CUBN: variants seen among roughly 807,000 people sequenced by gnomAD.
CUBN encodes 460 kDa receptor.
In CUBN, 282 loss-of-function variants were observed where a neutral mutation model predicts 405.3. The observed-to-expected ratio is 0.70, with a 90% CI of 0.63 to 0.77. The LOEUF (loss-of-function observed/expected upper bound fraction) is 0.77. Ranked by LOEUF, CUBN falls within the 30% of genes least tolerant of loss-of-function variation. The probability of loss-of-function intolerance (pLI) is 0.00; values close to 1 mark genes in which losing one functional copy is unlikely to be tolerated. For synonymous variants in CUBN, 1,684 were observed against 1,617.0 expected, an observed-to-expected ratio of 1.04 and a Z score of -0.99; for missense variants, 4,514 against 4,475.2, an observed-to-expected ratio of 1.01 and a Z score of -0.25.
At chr10:17,069,170 C>T (rs1835681403) in intron 19 of CUBN, among the ~76,000 whole-genome samples, 1 of 152,074 alleles carries the variant, frequency 6.6e-6, no homozygotes, top group African/African-American at 2.4e-5. Context: ...TAAAGATATA[C>T]CACATTTTAT....
intron 66 of CUBN, among the ~76,000 whole-genome samples, chr10:16,827,943 T>G (rs1201894943): frequency 6.6e-6 from 1 of 152,232 alleles, no homozygotes; most frequent in Non-Finnish European, 1.5e-5. Flanking sequence ...TAAGCACAGA[T>G]GCCTGCAATA....
intron 8 of CUBN, among the ~76,000 whole-genome samples, chr10:17,112,881 G>A (rs1001932264): frequency 2.6e-5 from 4 of 152,122 alleles, no homozygotes; most frequent in African/African-American, 9.7e-5. Context: ...TGTAAAATGT[G>A]AGTAATACTT....
chr10:17,111,114 G>A, intron 8 of CUBN, 64 bp from the exon 9 acceptor site: 1 of 1,565,766 alleles, frequency 6.4e-7, no homozygotes, highest in Non-Finnish European at 8.8e-7. Flanking sequence ...AGAAATACAA[G>A]AGTCAAAACA....
intron 64 of CUBN, among the ~76,000 whole-genome samples, chr10:16,833,247 A>G (rs1015023012): frequency 2.0e-5 from 3 of 152,050 alleles, no homozygotes; most frequent in Non-Finnish European, 4.4e-5. Context: ...CTTCATATAA[A>G]TATTTGGATC....
intron 66 of CUBN, 84 bp from the exon 67 acceptor site, chr10:16,825,166 C>G: frequency 1.1e-6 from 1 of 903,096 alleles, no homozygotes; most frequent in Non-Finnish European, 1.8e-6. Context: ...TAACAAAGTA[C>G]CACATAAAGA....
chr10:16,939,423 G>C (rs938514587), intron 37 of CUBN, among the ~76,000 whole-genome samples: 2 of 152,170 alleles, frequency 1.3e-5, no homozygotes, highest in Non-Finnish European at 2.9e-5. Context: ...ACATGGGAAG[G>C]TGGGGTGAGC....
intron 56 of CUBN, among the ~76,000 whole-genome samples, chr10:16,885,906 G>A (rs902199219): frequency 6.6e-6 from 1 of 152,144 alleles, no homozygotes; most frequent in African/African-American, 2.4e-5. Flanking sequence ...AAGCTATAAA[G>A]AAGAAAATAA....
At position 16,967,185 on chromosome 10, in the gene CUBN, C is replaced by A. The variant is rs375167729; in HGVS notation, c.4696-12637G>T. On this transcript the variant is annotated intron_variant, in intron 31 of 66. Coordinates refer to ENST00000377833, the MANE Select transcript of CUBN (RefSeq NM_001081.4). ...AGTTACGCTCCTTGGAAATTCAATA[C>A]TAAGTTCAATTCACAACCCCACATC... 1.3e-4 allele frequency among the ~76,000 whole-genome samples: 20 copies of A among 152,240 alleles called. No individual in the cohort carries two copies. The East Asian group carries it at 1.5e-3, about 12-fold the overall frequency.
chr10:16,973,886 C>T (rs1213458817), intron 31 of CUBN, among the ~76,000 whole-genome samples: 1 of 152,176 alleles, frequency 6.6e-6, no homozygotes, highest in African/African-American at 2.4e-5. Context: ...TCATCCCATC[C>T]ACCATTGATG....
In CUBN at chr10:16,849,257, G is replaced by A. The variant is rs201473366; in HGVS notation, c.9663+1978C>T. Among the ~76,000 whole-genome samples, 85 of 152,138 alleles carry A rather than the reference G, an allele frequency of 5.6e-4. No individual in the cohort carries two copies. In the East Asian group the frequency reaches 7.9e-3, roughly 14 times the overall value. On this transcript the variant is annotated intron_variant, in intron 60 of 66. Transcript: ENST00000377833. Reference sequence around the variant, plus strand: ...CTTCAGGGATACTACACTATTCCTGGTCTTCACATTTATCTTTTCATGACG... The same window carrying A: ...CTTCAGGGATACTACACTATTCCTGATCTTCACATTTATCTTTTCATGACG...
chr10:16,958,281 T>C (rs549329098), intron 31 of CUBN, among the ~76,000 whole-genome samples: 24 of 152,234 alleles, frequency 1.6e-4, no homozygotes, highest in Middle Eastern at 3.4e-3. Flanking sequence ...GCTGAAGTAA[T>C]ACTTCACAAG....
chr10:16,967,128 G>A (rs1439928315), intron 31 of CUBN, among the ~76,000 whole-genome samples: 1 of 152,188 alleles, frequency 6.6e-6, no homozygotes, highest in Non-Finnish European at 1.5e-5. Context: ...GAAGGAGGAA[G>A]CATCAGTTTC....
At chr10:16,949,193 A>T (rs1842858427) in intron 34 of CUBN, among the ~76,000 whole-genome samples, 1 of 152,238 alleles carries the variant, frequency 6.6e-6, no homozygotes, top group African/African-American at 2.4e-5. Flanking sequence ...ACAGCTTGTT[A>T]AATAATATAC....
At chr10:16,946,740 C>T (rs377642719) in intron 36 of CUBN, among the ~76,000 whole-genome samples, 10 of 152,118 alleles carry the variant, frequency 6.6e-5, no homozygotes, top group African/African-American at 1.9e-4. Flanking sequence ...AAGTGATCCA[C>T]CCGCCTTGGC....
chr10:17,089,989 G>T (rs1439178568), intron 14 of CUBN, among the ~76,000 whole-genome samples: 1 of 152,082 alleles, frequency 6.6e-6, no homozygotes, highest in Non-Finnish European at 1.5e-5. Context: ...GGTGGTGCGT[G>T]TCTGTAGTCC....
In CUBN at chr10:16,984,171, G is replaced by A. The variant is rs145661597; in HGVS notation, c.4459C>T (p.Arg1487Ter). 161 of 1,614,008 alleles carry A rather than the reference G, an allele frequency of 1.0e-4. 1 individual carries two copies. The highest frequency in any genetic ancestry group is 1.3e-4 in the Non-Finnish European group (158 of 1,180,046). Residue 1487 changes from arginine to a stop codon, truncating the protein, a stop_gained, in exon 30 of 67, where the codon CGA becomes TGA. Transcript: ENST00000377833. LOFTEE classifies it high-confidence loss of function. ...TTTATGGACAAGTCGGTCTTGAATC[G>A]AATTGCTAGCTCATTTCCAGTGCTG... ...VSSTGNELAI[R>*]FKTDLSINGR...
chr10:16,941,465 C>T (rs1269397124), intron 36 of CUBN, among the ~76,000 whole-genome samples: 1 of 152,060 alleles, frequency 6.6e-6, no homozygotes, highest in Non-Finnish European at 1.5e-5. Context: ...ATATTTCTTA[C>T]ATAGAATGCA....
chr10:16,944,223 C>T (rs905343586), intron 36 of CUBN, among the ~76,000 whole-genome samples: 1 of 152,176 alleles, frequency 6.6e-6, no homozygotes. Context: ...TTAGAGACAA[C>T]TGCATGTAAT....
Position 16,948,458 on chromosome 10 carries a change from C to G in CUBN, c.5209+20G>C, listed in dbSNP as rs764647006. On this transcript the variant is annotated intron_variant, in intron 35 of 66. Transcript: ENST00000377833. ...CCACATCCCTTTTAACCGCTAGAGTCAGGTGCTAGGGTTTCTTACCCGACA... is the reference window on the plus strand; with the variant it reads ...CCACATCCCTTTTAACCGCTAGAGTGAGGTGCTAGGGTTTCTTACCCGACA... The G allele has an allele frequency of 6.2e-7, 1 of 1,613,542 alleles. No homozygotes were observed. Among genetic ancestry groups the G allele is most frequent in the Non-Finnish European group, 8.5e-7 (1 of 1,179,726 alleles).
Sources: allele counts gnomAD v4.1 joint callset (sites outside exome capture counted in the v4.1 genomes callset), GRCh38; gene constraint gnomAD v4.1.1; transcripts MANE v1.5; gene names NCBI Gene and HGNC (gene_info 2026-07-23, HGNC 2026-07-21).